The following PCBP3 variants were observed in gnomAD, a reference collection of about 807,000 sequenced individuals.
The protein encoded by PCBP3 is poly(rC) binding protein 3, also known as poly(rC)-binding protein 3.
PCBP3 carries 25 observed loss-of-function variants against 52.7 expected under a neutral mutation model. The observed-to-expected ratio is 0.47, with a 90% CI of 0.35 to 0.66. PCBP3 has a LOEUF of 0.66. PCBP3 is among the 30% of genes least tolerant of loss of function. The pLI is 0.01. For missense variants in PCBP3, 391 were observed against 490.3 expected (o/e 0.80, Z 1.91); for synonymous variants, 162 against 183.0 (o/e 0.89, Z 0.93).
chr21:45,755,914 C>T (rs941254987), intron 4 of PCBP3, among the ~76,000 whole-genome samples: 17 of 151,948 alleles, frequency 1.1e-4, no homozygotes, highest in South Asian at 4.2e-4. Flanking sequence ...TTTAAAGAAA[C>T]GGAATTGTTT....
In PCBP3 at chr21:45,788,377, G is replaced by A. The variant is rs984881876; in HGVS notation, c.-126+32925G>A. ...AGGCCGGGAGAAGGAGACACTCCCA[G>A]GTACTCTCGTCTACCCCTGCTGGTG... On this transcript the variant is annotated intron_variant, in intron 4 of 17. Transcript: ENST00000681687. This position sits in a 1 kb window ranked among gnomAD's most constrained non-coding sequence, Gnocchi z 4.3. 1.3e-5 allele frequency: 2 copies of A among 152,702 alleles called. No individual in the cohort carries two copies. Among genetic ancestry groups the A allele is most frequent in the African/African-American group, 4.8e-5 (2 of 41,450 alleles). The allele number at this position is 152,702 out of a possible 1,614,324, so 9.5% of individuals were successfully genotyped here.
chr21:45,907,633 A>T (rs1273953323), intron 9 of PCBP3, among the ~76,000 whole-genome samples: 1 of 152,110 alleles, frequency 6.6e-6, no homozygotes, highest in Non-Finnish European at 1.5e-5. Flanking sequence ...CAACCAAAAG[A>T]ATTCTAAATT....
At chr21:45,731,934 A>G (rs577253161) in intron 2 of PCBP3, among the ~76,000 whole-genome samples, 80 of 152,242 alleles carry the variant, frequency 5.3e-4, no homozygotes, top group African/African-American at 1.7e-3. Context: ...AATTAAGAAC[A>G]AAAGGCTTTT....
intron 2 of PCBP3, among the ~76,000 whole-genome samples, chr21:45,692,705 T>C (rs1365404893): frequency 6.6e-6 from 1 of 152,150 alleles, no homozygotes; most frequent in Non-Finnish European, 1.5e-5. Context: ...CAGATGTTTT[T>C]AAAAGAATTA....
chr21:45,900,480 A>G, intron 7 of PCBP3, 111 bp from the exon 8 acceptor site: 2 of 770,852 alleles, frequency 2.6e-6, no homozygotes, highest in Non-Finnish European at 4.6e-6. Flanking sequence ...CACAGGCAGG[A>G]GGCTCTGCTG....
At position 45,917,456 on chromosome 21, in the gene PCBP3, T is replaced by G; in HGVS notation, c.676-132T>G. The G allele has an allele frequency of 1.4e-6, 1 of 701,852 alleles. No homozygotes were observed. The allele number at this position is 701,852 out of a possible 1,614,324, so 43.5% of individuals were successfully genotyped here. On this transcript the variant is annotated intron_variant, in intron 12 of 17. Transcript: ENST00000681687. The surrounding 1 kb of genome is among the most constrained non-coding windows in gnomAD (Gnocchi z 5.3). ...GGAGGGTTGGCCCTTTGTCCTAGGA[T>G]GGGGACAGGTGGAGAGGCACACGAG... is the stretch of plus-strand genomic sequence containing the variant.
At chr21:45,706,635 G>T (rs185101352) in intron 2 of PCBP3, among the ~76,000 whole-genome samples, 34 of 152,306 alleles carry the variant, frequency 2.2e-4, no homozygotes, top group Non-Finnish European at 4.4e-4. Flanking sequence ...AGCAAGTGCT[G>T]GTTCAATTAG....
intron 4 of PCBP3, among the ~76,000 whole-genome samples, chr21:45,775,297 A>G (rs2090168046): frequency 6.9e-6 from 1 of 145,852 alleles, no homozygotes; most frequent in Non-Finnish European, 1.5e-5. Flanking sequence ...TTGTGAGTAT[A>G]TAGCTTTTTT....
rs150972533 is a variant in PCBP3, at chr21:45,758,351, A to T, written c.-126+2899A>T. Among the ~76,000 whole-genome samples, 569 of 152,334 alleles carry T rather than the reference A, an allele frequency of 3.7e-3. 2 individuals are homozygous for T. Among genetic ancestry groups the T allele is most frequent in the African/African-American group, 0.013 (550 of 41,570 alleles). The stretch of plus-strand genomic sequence containing the variant: ...GATCAGCTTGCCATTTCAATAAATA[A>T]TGGCAGATCTGACAGTGATTGCCTT... On this transcript the variant is annotated intron_variant, in intron 4 of 17. Coordinates refer to ENST00000681687, the MANE Select transcript of PCBP3 (RefSeq NM_001384156.1).
chr21:45,916,216 C>G (rs1319189994), intron 12 of PCBP3: 1 of 152,228 alleles, frequency 6.6e-6, no homozygotes, highest in Non-Finnish European at 1.5e-5. Flanking sequence ...TTGGGGCTGA[C>G]CTGGGACCCC....
intron 4 of PCBP3, among the ~76,000 whole-genome samples, chr21:45,803,132 G>T (rs868577155): frequency 6.6e-6 from 1 of 152,194 alleles, no homozygotes; most frequent in Non-Finnish European, 1.5e-5. Flanking sequence ...AGCCTGGTGT[G>T]CCTGCAGCTG....
intron 4 of PCBP3, among the ~76,000 whole-genome samples, chr21:45,806,750 A>G (rs1178627958): frequency 2.0e-5 from 3 of 151,946 alleles, no homozygotes; most frequent in Non-Finnish European, 4.4e-5. Context: ...CCCACGGAAC[A>G]TCTCTTTGGG....
chr21:45,747,075 A>G (rs1243396126), intron 3 of PCBP3, among the ~76,000 whole-genome samples: 2 of 152,246 alleles, frequency 1.3e-5, no homozygotes, highest in South Asian at 2.1e-4. Flanking sequence ...TTTATAAAGA[A>G]AAAGAGGTTT....
chr21:45,864,495 A>C (rs2148503011), intron 5 of PCBP3, among the ~76,000 whole-genome samples: 1 of 152,362 alleles, frequency 6.6e-6, no homozygotes. Flanking sequence ...AGTTACAACA[A>C]AATTTTATAT....
At chr21:45,792,954 C>G (rs1308126567) in intron 4 of PCBP3, among the ~76,000 whole-genome samples, 1 of 152,186 alleles carries the variant, frequency 6.6e-6, no homozygotes, top group Non-Finnish European at 1.5e-5. Flanking sequence ...CACATGCAGT[C>G]CAAAGACACC....
At chr21:45,696,101 A>G (rs1165094532) in intron 2 of PCBP3, among the ~76,000 whole-genome samples, 1 of 151,360 alleles carries the variant, frequency 6.6e-6, no homozygotes, top group African/African-American at 2.4e-5. Flanking sequence ...AAAAAAAAAA[A>G]AAAAAGGTCT....
chr21:45,652,037 A>G (rs1353800248), intron 1 of PCBP3, among the ~76,000 whole-genome samples: 1 of 152,170 alleles, frequency 6.6e-6, no homozygotes, highest in African/African-American at 2.4e-5. Flanking sequence ...AAGCCTACAA[A>G]TTGCTATTAT....
chr21:45,938,257 C>T (rs1246044506), intron 16 of PCBP3, among the ~76,000 whole-genome samples: 3 of 152,242 alleles, frequency 2.0e-5, no homozygotes, highest in African/African-American at 7.2e-5. Context: ...ACACCACGCG[C>T]TCCAGCGCAG....
chr21:45,910,846 C>T (rs1005579865), intron 10 of PCBP3, 56 bp from the exon 11 acceptor site: 2 of 1,534,570 alleles, frequency 1.3e-6, no homozygotes, highest in Non-Finnish European at 1.8e-6. Flanking sequence ...TCGGGAGGTA[C>T]TGCTGCCCCA....
Sources: allele counts gnomAD v4.1 joint callset (sites outside exome capture counted in the v4.1 genomes callset), GRCh38; gene constraint gnomAD v4.1.1; non-coding constraint Gnocchi (gnomAD v3.1); transcripts MANE v1.5; gene names NCBI Gene and HGNC (gene_info 2026-07-23, HGNC 2026-07-21).